The following CNTN4 variants were observed in gnomAD, a reference collection of about 807,000 sequenced individuals.
The protein encoded by CNTN4 is contactin 4, also known as contactin-4.
In CNTN4, 77 loss-of-function variants were observed where a neutral mutation model predicts 122.5. The ratio of observed to expected loss-of-function variants is 0.63; its 90% CI spans 0.52 to 0.76. The LOEUF is 0.76. Ranked by LOEUF, CNTN4 falls within the 30% of genes least tolerant of loss-of-function variation. The pLI is 0.00. For synonymous variants in CNTN4, 512 were observed against 447.0 expected (o/e 1.15, Z -1.83); for missense variants, 1,256 against 1,259.1 (o/e 1.00, Z 0.04).
At chr3:2,999,875 T>G (rs1006590010) in intron 14 of CNTN4, among the ~76,000 whole-genome samples, 2 of 152,222 alleles carry the variant, frequency 1.3e-5, no homozygotes, top group African/African-American at 2.4e-5. Context: ...CTCTGCCCTT[T>G]CCTCAAACTT....
chr3:2,629,518 C>T (rs552801213), intron 4 of CNTN4: 22 of 451,210 alleles, frequency 4.9e-5, no homozygotes, highest in East Asian at 1.4e-4. Context: ...TGTTCCTTCC[C>T]GTTCTAGGTT....
chr3:2,748,822 A>G (rs1285203920), intron 6 of CNTN4, among the ~76,000 whole-genome samples: 1 of 152,220 alleles, frequency 6.6e-6, no homozygotes, highest in Non-Finnish European at 1.5e-5. Flanking sequence ...AAATTAGATC[A>G]TTCCGCTTCC....
At chr3:2,237,847 C>G (rs2039744900) in intron 2 of CNTN4, among the ~76,000 whole-genome samples, 1 of 152,010 alleles carries the variant, frequency 6.6e-6, no homozygotes, top group African/African-American at 2.4e-5. Context: ...ATTAATTTTG[C>G]TTACTTCAGA....
intron 13 of CNTN4, among the ~76,000 whole-genome samples, chr3:2,966,237 T>C (rs150335465): frequency 1.3e-5 from 2 of 152,180 alleles, no homozygotes; most frequent in Non-Finnish European, 2.9e-5. Context: ...TTCAGTTAAC[T>C]TTATTTTTTT....
At chr3:2,869,770 T>C (rs2093764677) in intron 8 of CNTN4, among the ~76,000 whole-genome samples, 1 of 152,206 alleles carries the variant, frequency 6.6e-6, no homozygotes, top group African/African-American at 2.4e-5. Context: ...ACATGGCAAA[T>C]GTTAAATTAA....
At chr3:2,667,450 CT>C (rs2084237379) in intron 4 of CNTN4, among the ~76,000 whole-genome samples, 1 of 152,052 alleles carries the variant, frequency 6.6e-6, no homozygotes, top group South Asian at 2.1e-4. Context: ...TTGACTTTTT[CT>C]TGCAAATTTG....
chr3:2,393,204 C>G (rs777971188), intron 3 of CNTN4, among the ~76,000 whole-genome samples: 1 of 152,096 alleles, frequency 6.6e-6, no homozygotes, highest in African/African-American at 2.4e-5. Context: ...ATGTGTCTGT[C>G]TCCGCATTTC....
At chr3:2,174,956 A>G (rs1250618127) in intron 2 of CNTN4, among the ~76,000 whole-genome samples, 1 of 152,156 alleles carries the variant, frequency 6.6e-6, no homozygotes, top group African/African-American at 2.4e-5. Flanking sequence ...CCCATGATCC[A>G]GTCACTTCCC....
intron 3 of CNTN4, among the ~76,000 whole-genome samples, chr3:2,564,208 TG>T (rs1420981871): frequency 6.6e-6 from 1 of 152,156 alleles, no homozygotes. Flanking sequence ...TATTTACCTA[TG>T]GGGACTAACA....
chr3:2,535,236 A>G (rs1032429664), intron 3 of CNTN4, among the ~76,000 whole-genome samples: 1 of 152,130 alleles, frequency 6.6e-6, no homozygotes, highest in Non-Finnish European at 1.5e-5. Context: ...CACATCCCCC[A>G]TGGTTGGATA....
chr3:2,768,562 C>T (rs2090958227), intron 6 of CNTN4, among the ~76,000 whole-genome samples: 1 of 152,154 alleles, frequency 6.6e-6, no homozygotes, highest in African/African-American at 2.4e-5. Flanking sequence ...TCTCCAGCCA[C>T]CTCCACAGCA....
In CNTN4 at chr3:3,042,387, C is replaced by A. The variant is rs1172570502; in HGVS notation, c.2476C>A (p.Leu826Met). ...TDIEVFWASP[L>M]EKNRGRIQGY... ...TATTGAAGTTTTCTGGGCCTCCCCA[C>A]TGGAGAAGAATAGAGGACGAATACA... Residue 826 changes from leucine to methionine, a missense_variant, in exon 21 of 25, where the codon CTG (leucine) becomes ATG (methionine). Physicochemically the swap from Leu to Met is conservative, Grantham distance 15. Transcript: ENST00000418658. The A allele has an allele frequency of 1.9e-6, 3 of 1,613,738 alleles. No homozygotes were observed. In the South Asian group the frequency reaches 3.3e-5, roughly 18 times the overall value.
At chr3:2,460,490 C>A (rs1270838646) in intron 3 of CNTN4, among the ~76,000 whole-genome samples, 3 of 152,118 alleles carry the variant, frequency 2.0e-5, no homozygotes, top group Non-Finnish European at 4.4e-5. Context: ...CTCCTTTGGG[C>A]TCAAATATTA....
chr3:2,624,965 T>G (rs2082128057), intron 4 of CNTN4, among the ~76,000 whole-genome samples: 1 of 152,104 alleles, frequency 6.6e-6, no homozygotes, highest in African/African-American at 2.4e-5. Context: ...ACTACTTAAT[T>G]ATATATGTGA....
intron 8 of CNTN4, among the ~76,000 whole-genome samples, chr3:2,879,597 C>T (rs142085210): frequency 0.019 from 2,920 of 152,018 alleles, 45 homozygotes; most frequent in Non-Finnish European, 0.031. Flanking sequence ...GCACAAAAGA[C>T]CACATATTGC....
At chr3:2,549,892 A>G (rs780291406) in intron 3 of CNTN4, among the ~76,000 whole-genome samples, 1 of 152,132 alleles carries the variant, frequency 6.6e-6, no homozygotes, top group African/African-American at 2.4e-5. Flanking sequence ...TTATTGGTCT[A>G]CTCAGGGATT....
intron 2 of CNTN4, among the ~76,000 whole-genome samples, chr3:2,124,623 C>G (rs1357168260): frequency 4.6e-5 from 7 of 151,992 alleles, no homozygotes; most frequent in Non-Finnish European, 1.0e-4. Context: ...ACAACAACAA[C>G]AACATCTGGG....
intron 23 of CNTN4, among the ~76,000 whole-genome samples, chr3:3,046,859 G>A (rs1700716586): frequency 7.1e-6 from 1 of 141,424 alleles, no homozygotes; most frequent in African/African-American, 2.7e-5. Flanking sequence ...AGACCCATCA[G>A]TGTGCTGTAT....
At chr3:2,113,822 TA>T (rs957273763) in intron 2 of CNTN4, among the ~76,000 whole-genome samples, 5 of 152,226 alleles carry the variant, frequency 3.3e-5, no homozygotes, top group Non-Finnish European at 2.9e-5. Context: ...CTTTTTGCTT[TA>T]AGCCCTTGGT....
Sources: gnomAD v4.1 joint callset for allele counts (sites outside exome capture counted in the v4.1 genomes callset) on GRCh38, gnomAD v4.1.1 for gene constraint, MANE v1.5 for transcripts, NCBI Gene and HGNC (gene_info 2026-07-23, HGNC 2026-07-21) for gene names.